Variants in BCAS3 observed in about 807,000 individuals in gnomAD.
BCAS3 encodes the protein BCAS4/BCAS3 fusion.
A neutral mutation model predicts 116.1 loss-of-function variants in BCAS3; 53 were observed. The observed-to-expected ratio is 0.46, with a 90% CI of 0.37 to 0.57. The LOEUF is 0.57. BCAS3 is among the 20% of genes least tolerant of loss of function. The pLI is 0.00. For synonymous variants in BCAS3, 391 were observed against 408.2 expected (o/e 0.96, Z 0.51); for missense variants, 917 against 1,165.4 (o/e 0.79, Z 3.10).
chr17:60,773,169 T>C (rs898312047), intron 6 of BCAS3, among the ~76,000 whole-genome samples: 28 of 152,260 alleles, frequency 1.8e-4, no homozygotes, highest in African/African-American at 5.8e-4. Context: ...AGCTGTGCAT[T>C]AGTATCTTGT....
chr17:60,776,718 C>CAAAAAAAA (rs749033165), intron 6 of BCAS3, among the ~76,000 whole-genome samples: 4 of 46,540 alleles, frequency 8.6e-5, no homozygotes, highest in Non-Finnish European at 1.4e-4. Flanking sequence ...GACTCCGTCT[C>CAAAAAAAA]AAAAAAAAAA....
rs888517231 is a variant in BCAS3 at position 61,032,473 on chromosome 17, G to A, written c.1638-2193G>A. On this transcript the variant is annotated intron_variant, in intron 16 of 23. Transcript: ENST00000407086. The surrounding 1 kb of genome is among the most constrained non-coding windows in gnomAD (Gnocchi z 4.6). ...GACCAGTGGTACCTCAAAGATACCA[G>A]CTAGAGGAATTTGTCAGTTCAATGA... Among the ~76,000 whole-genome samples the A allele has an allele frequency of 3.9e-5, 6 of 152,114 alleles. No individual in the cohort carries two copies. The highest frequency in any genetic ancestry group is 7.2e-5 in the African/African-American group (3 of 41,420).
intron 12 of BCAS3, among the ~76,000 whole-genome samples, chr17:60,919,500 T>G (rs1259676361): frequency 6.6e-6 from 1 of 152,066 alleles, no homozygotes; most frequent in Non-Finnish European, 1.5e-5. Context: ...AATTTTTGTG[T>G]TTTTAGTAGA....
At chr17:60,824,975 A>G (rs1179546300) in intron 7 of BCAS3, among the ~76,000 whole-genome samples, 1 of 152,028 alleles carries the variant, frequency 6.6e-6, no homozygotes, top group East Asian at 1.9e-4. Context: ...AAACCATCCT[A>G]GGCAACATGG....
intron 6 of BCAS3, among the ~76,000 whole-genome samples, chr17:60,784,552 C>T (rs771019037): frequency 6.6e-6 from 1 of 151,528 alleles, no homozygotes; most frequent in Non-Finnish European, 1.5e-5. Flanking sequence ...ATCTGCTCAC[C>T]TCAGCCTCCC....
rs1255921633 is a variant in BCAS3 at position 61,339,898 on chromosome 17, A to G, written c.2426-28429A>G. On this transcript the variant is annotated intron_variant, in intron 22 of 23. Transcript: ENST00000407086. This position sits in a 1 kb window ranked among gnomAD's most constrained non-coding sequence, Gnocchi z 4.4. ...AAGCCAAGTAGAGAGAGGGTCAACT[A>G]TGTCGAAAGCACACTTGACCTGCTG... Among the ~76,000 whole-genome samples the G allele has an allele frequency of 6.6e-6, 1 of 152,208 alleles. No homozygotes were observed. Among genetic ancestry groups the G allele is most frequent in the African/African-American group, 2.4e-5 (1 of 41,456 alleles).
chr17:60,970,690 T>C (rs1416428667), intron 14 of BCAS3, among the ~76,000 whole-genome samples: 1 of 152,152 alleles, frequency 6.6e-6, no homozygotes, highest in African/African-American at 2.4e-5. Context: ...ATCTTGACAT[T>C]TTGGGCTGTA....
chr17:60,996,340 T>G (rs764835078), intron 15 of BCAS3, among the ~76,000 whole-genome samples: 3 of 152,176 alleles, frequency 2.0e-5, no homozygotes, highest in Non-Finnish European at 4.4e-5. Context: ...GTAAGTTGTT[T>G]ATAGTGAAGA....
chr17:61,022,495 C>T (rs1600541242), intron 16 of BCAS3, among the ~76,000 whole-genome samples: 1 of 152,240 alleles, frequency 6.6e-6, no homozygotes, highest in East Asian at 1.9e-4. Flanking sequence ...CCACCTGCCT[C>T]CACCTCCCAA....
chr17:61,326,361 G>A lies in BCAS3; in HGVS notation c.2426-41966G>A, dbSNP rs551358436. 2.6e-5 allele frequency among the ~76,000 whole-genome samples: 4 copies of A among 152,192 alleles called. No individual in the cohort carries two copies. Among genetic ancestry groups the A allele is most frequent in the Admixed American group, 6.5e-5 (1 of 15,274 alleles). On this transcript the variant is annotated intron_variant, in intron 22 of 23. Coordinates refer to ENST00000407086, the MANE Select transcript of BCAS3 (RefSeq NM_017679.5). The surrounding 1 kb of genome is among the most constrained non-coding windows in gnomAD (Gnocchi z 5.3). ...TGGCTGGAGCTCAGCACCTAAGCGG[G>A]ACAATAGCCTGGGGTGACTGTGGGG...
intron 7 of BCAS3, among the ~76,000 whole-genome samples, chr17:60,818,046 G>T (rs1019554490): frequency 4.0e-5 from 6 of 151,754 alleles, no homozygotes; most frequent in African/African-American, 1.2e-4. Context: ...GTAGAGATAG[G>T]GTTTCCCCAT....
chr17:61,376,845 T>G lies in BCAS3; in HGVS notation c.2593+8351T>G, dbSNP rs2059363339. 6.6e-6 allele frequency among the ~76,000 whole-genome samples: 1 copy of G among 152,198 alleles called. No individual in the cohort carries two copies. Among genetic ancestry groups the G allele is most frequent in the Non-Finnish European group, 1.5e-5 (1 of 68,034 alleles). Reference sequence around the variant, plus strand: ...CTGGAGTTTTCCTCCTTCTACAGCATCTACAAAAGTTCTCTCAGTGTCTTC... The same window carrying G: ...CTGGAGTTTTCCTCCTTCTACAGCAGCTACAAAAGTTCTCTCAGTGTCTTC... On this transcript the variant is annotated intron_variant, in intron 23 of 23. Transcript: ENST00000407086. The surrounding 1 kb of genome is among the most constrained non-coding windows in gnomAD (Gnocchi z 4.5).
chr17:61,298,496 C>T (rs2053140445), intron 22 of BCAS3, among the ~76,000 whole-genome samples: 1 of 152,202 alleles, frequency 6.6e-6, no homozygotes, highest in East Asian at 1.9e-4. Flanking sequence ...TCCAAATGCC[C>T]TGGTCTTTGT....
In BCAS3 at chr17:61,310,176, C is replaced by A. The variant is rs181401574; in HGVS notation, c.2426-58151C>A. Reference sequence around the variant, plus strand: ...CTTCCATCTTTCCGGTCCTTTCCTCCTGCTATGCTTTTATGCGTATGAGCT... The same window carrying A: ...CTTCCATCTTTCCGGTCCTTTCCTCATGCTATGCTTTTATGCGTATGAGCT... On this transcript the variant is annotated intron_variant, in intron 22 of 23. Transcript: ENST00000407086. Among the ~76,000 whole-genome samples the A allele has an allele frequency of 2.0e-5, 3 of 152,324 alleles. No homozygotes were observed. In the East Asian group the frequency reaches 5.8e-4, roughly 29 times the overall value.
At chr17:61,127,673 T>C (rs780862359) in intron 22 of BCAS3, among the ~76,000 whole-genome samples, 2 of 148,160 alleles carry the variant, frequency 1.3e-5, no homozygotes, top group South Asian at 2.2e-4. Context: ...AGTACAGCTA[T>C]CTTGTATGCC....
chr17:60,781,389 A>G (rs1480602495), intron 6 of BCAS3, among the ~76,000 whole-genome samples: 2 of 151,902 alleles, frequency 1.3e-5, no homozygotes, highest in Middle Eastern at 3.4e-3. Context: ...ACTTGAGATT[A>G]GGAGTTTGAG....
At chr17:61,266,116 A>C (rs2049684424) in intron 22 of BCAS3, among the ~76,000 whole-genome samples, 1 of 152,226 alleles carries the variant, frequency 6.6e-6, no homozygotes, top group South Asian at 2.1e-4. Flanking sequence ...TCTTCTAGGC[A>C]TACCTCTTTT....
chr17:61,117,993 A>T (rs2075577033), intron 22 of BCAS3, among the ~76,000 whole-genome samples: 2 of 151,496 alleles, frequency 1.3e-5, no homozygotes, highest in Non-Finnish European at 2.9e-5. Flanking sequence ...TAATTTTAGG[A>T]TCTCTGTCAT....
chr17:61,164,965 C>T (rs1367400971), intron 22 of BCAS3, among the ~76,000 whole-genome samples: 1 of 151,874 alleles, frequency 6.6e-6, no homozygotes, highest in Non-Finnish European at 1.5e-5. Flanking sequence ...GAAAGGTGAA[C>T]AAACAAACAA....
Sources: gnomAD v4.1 joint callset for allele counts (sites outside exome capture counted in the v4.1 genomes callset) on GRCh38, gnomAD v4.1.1 for gene constraint, Gnocchi (gnomAD v3.1) non-coding constraint, MANE v1.5 for transcripts, NCBI Gene and HGNC (gene_info 2026-07-23, HGNC 2026-07-21) for gene names.